UBE2E3: variants seen among roughly 807,000 people sequenced by gnomAD.
UBE2E3 encodes the protein ubiquitin-conjugating enzyme E2 E3.
UBE2E3 carries 5 observed loss-of-function variants against 23.6 expected under a neutral mutation model. The ratio of observed to expected loss-of-function variants is 0.21; its 90% CI spans 0.11 to 0.44. UBE2E3 has a LOEUF of 0.44. Among genes scored for constraint, UBE2E3 ranks in the 20% least tolerant of loss-of-function variants. The pLI is 0.99. For missense variants in UBE2E3, 81 were observed against 249.8 expected, an observed-to-expected ratio of 0.32 and a Z score of 4.55; for synonymous variants, 78 against 87.5, an observed-to-expected ratio of 0.89 and a Z score of 0.60.
At chr2:181,029,866 C>G (rs578180112) in intron 3 of UBE2E3, among the ~76,000 whole-genome samples, 209 of 142,128 alleles carry the variant, frequency 1.5e-3, no homozygotes, top group Non-Finnish European at 2.5e-3. Context: ...GAGACGGAGT[C>G]TCTCTCTGTC....
chr2:181,060,632 T>A, intron 4 of UBE2E3, 33 bp from the exon 5 acceptor site: 1 of 1,549,084 alleles, frequency 6.5e-7, no homozygotes, highest in Non-Finnish European at 8.7e-7. Flanking sequence ...ACAGCATTCA[T>A]TTTCCTTCTG....
At chr2:181,056,081 TA>T (rs58442227) in intron 3 of UBE2E3, among the ~76,000 whole-genome samples, 99,303 of 135,676 alleles carry the variant, frequency 0.73, 35,831 homozygotes, top group East Asian at 0.86. Flanking sequence ...AGGAAATGCT[TA>T]AAAAAAAAAA....
At chr2:181,019,782 A>C (rs1685614758) in intron 3 of UBE2E3, among the ~76,000 whole-genome samples, 1 of 152,222 alleles carries the variant, frequency 6.6e-6, no homozygotes, top group South Asian at 2.1e-4. Context: ...AATCACCATA[A>C]GCTAGTTAAC....
intron 2 of UBE2E3, among the ~76,000 whole-genome samples, chr2:180,982,947 A>G (rs1359913526): frequency 6.6e-6 from 1 of 152,200 alleles, no homozygotes; most frequent in Non-Finnish European, 1.5e-5. Context: ...ACTCAACAGC[A>G]GGAGAAACAT....
At chr2:180,987,737 CTGAG>C (rs1419750635) in intron 3 of UBE2E3, among the ~76,000 whole-genome samples, 1 of 152,076 alleles carries the variant, frequency 6.6e-6, no homozygotes, top group African/African-American at 2.4e-5. Context: ...GCCTAATTGT[CTGAG>C]GATAAATTCT....
At chr2:180,998,625 T>C (rs72883544) in intron 3 of UBE2E3, among the ~76,000 whole-genome samples, 30,703 of 152,018 alleles carry the variant, frequency 0.2, 3,963 homozygotes, top group Non-Finnish European at 0.28. Flanking sequence ...TTGGTAATAA[T>C]GTGGGGGCGG....
intron 3 of UBE2E3, among the ~76,000 whole-genome samples, chr2:181,019,308 A>G (rs143345798): frequency 0.015 from 2,220 of 152,342 alleles, 58 homozygotes; most frequent in African/African-American, 0.05. Flanking sequence ...CTTAGTTGAT[A>G]GACGCTAAAT....
At position 181,057,819 on chromosome 2, in the gene UBE2E3, A is replaced by G. The variant is rs759192981; in HGVS notation, c.372A>G (p.Pro124=). Residue 124 remains proline (P), a synonymous_variant, in exon 4 of 6, where the codon CCA becomes CCG. Coordinates refer to ENST00000410062, the MANE Select transcript of UBE2E3 (RefSeq NM_006357.4). ...TTTCATCAGATTATCCATTTAAGCC[A>G]CCAAAGGTAAGAAGCTTGAAGTGCA... The part of the protein sequence containing the change: ...ITFSSDYPFK[P]PKVTFRTRIY... 2 of 1,610,976 alleles carry G rather than the reference A, an allele frequency of 1.2e-6. No homozygotes were observed. Among genetic ancestry groups the G allele is most frequent in the Admixed American group, 1.7e-5 (1 of 59,798 alleles).
chr2:180,998,222 T>C (rs1053613266), intron 3 of UBE2E3, among the ~76,000 whole-genome samples: 2 of 152,122 alleles, frequency 1.3e-5, no homozygotes, highest in Admixed American at 1.3e-4. Context: ...GTATGATAAA[T>C]TTTAGGTTCA....
intron 3 of UBE2E3, among the ~76,000 whole-genome samples, chr2:181,048,013 A>C (rs751904638): frequency 3.3e-5 from 5 of 152,016 alleles, no homozygotes; most frequent in Admixed American, 2.0e-4. Context: ...AGGCCCTGCT[A>C]CTTGTTCCTG....
At chr2:181,017,306 G>T (rs902819262) in intron 3 of UBE2E3, among the ~76,000 whole-genome samples, 5 of 152,172 alleles carry the variant, frequency 3.3e-5, no homozygotes, top group Non-Finnish European at 7.3e-5. Context: ...TCCAGGAGGG[G>T]CCAGTGGGAC....
intron 3 of UBE2E3, among the ~76,000 whole-genome samples, chr2:181,056,998 A>G (rs1687008508): frequency 6.6e-6 from 1 of 151,724 alleles, no homozygotes. Flanking sequence ...ATCATGAGGA[A>G]ACATGGCAAG....
intron 3 of UBE2E3, among the ~76,000 whole-genome samples, chr2:181,009,736 C>T (rs1574178215): frequency 1.3e-5 from 2 of 152,048 alleles, no homozygotes; most frequent in East Asian, 1.9e-4. Context: ...TTCTGACTCC[C>T]GTACTGTAAA....
chr2:180,992,406 G>C (rs764453916), intron 3 of UBE2E3, among the ~76,000 whole-genome samples: 1 of 152,212 alleles, frequency 6.6e-6, no homozygotes, highest in Non-Finnish European at 1.5e-5. Flanking sequence ...TATAAAAGGA[G>C]ATGTTAAATT....
chr2:181,020,100 A>AT, intron 3 of UBE2E3, among the ~76,000 whole-genome samples: 2 of 152,242 alleles, frequency 1.3e-5, no homozygotes, highest in South Asian at 4.1e-4. Flanking sequence ...TTGATGTATT[A>AT]GTTTCCTGGG....
At chr2:181,041,232 CTCAAAAAA>C (rs1246589486) in intron 3 of UBE2E3, among the ~76,000 whole-genome samples, 1 of 31,888 alleles carries the variant, frequency 3.1e-5, no homozygotes, top group Non-Finnish European at 5.8e-5. Flanking sequence ...AAGACTCCGT[CTCAAAAAA>C]AAAAAAAAAA....
At chr2:180,990,714 T>C (rs576501227) in intron 3 of UBE2E3, among the ~76,000 whole-genome samples, 2 of 152,328 alleles carry the variant, frequency 1.3e-5, no homozygotes, top group South Asian at 4.1e-4. Context: ...TGGTTATATC[T>C]ATTATGTTCT....
At position 181,030,880 on chromosome 2, in the gene UBE2E3, T is replaced by C. The variant is rs550905684; in HGVS notation, c.246-26813T>C. ...CTGTCTTGTCACAAGGTTTCTATGT[T>C]TTATTAGTCTTGACCCAAAAATTTA... On this transcript the variant is annotated intron_variant, in intron 3 of 5. Coordinates refer to ENST00000410062, the MANE Select transcript of UBE2E3 (RefSeq NM_006357.4). Among the ~76,000 whole-genome samples the C allele has an allele frequency of 3.9e-5, 6 of 152,254 alleles. No homozygotes were observed. The South Asian group carries it at 1.2e-3, about 32-fold the overall frequency.
At chr2:180,990,896 A>G (rs1028196472) in intron 3 of UBE2E3, among the ~76,000 whole-genome samples, 14 of 152,214 alleles carry the variant, frequency 9.2e-5, no homozygotes, top group African/African-American at 3.4e-4. Context: ...ACAATCCTTT[A>G]TTTGAAACCC....
Sources: gnomAD v4.1 joint callset for allele counts (sites outside exome capture counted in the v4.1 genomes callset) on GRCh38, gnomAD v4.1.1 for gene constraint, MANE v1.5 for transcripts, NCBI Gene and HGNC (gene_info 2026-07-23, HGNC 2026-07-21) for gene names.